IBTK: variants seen among roughly 807,000 people sequenced by gnomAD.
The protein encoded by IBTK is BTK-binding protein.
Under a neutral mutation model 154.9 loss-of-function variants are expected in IBTK, and 83 were observed. The ratio of observed to expected loss-of-function variants is 0.54; its 90% confidence interval spans 0.45 to 0.64. The LOEUF (loss-of-function observed/expected upper bound fraction) is 0.64. Among genes scored for constraint, IBTK ranks in the 30% least tolerant of loss-of-function variants. IBTK has a pLI of 0.00. For missense variants in IBTK, 1,332 were observed against 1,584.6 expected (o/e 0.84, Z 2.71); for synonymous variants, 515 against 536.1 (o/e 0.96, Z 0.54).
In IBTK at chr6:82,173,674, A is replaced by AATAT. The variant is rs35757334; in HGVS notation, c.3726-240_3726-237dup. 3.1e-4 allele frequency: 61 copies of AATAT among 197,040 alleles called. 1 individual carries two copies. Among genetic ancestry groups the AATAT allele is most frequent in the East Asian group, 5.3e-4 (5 of 9,518 alleles). 12.2% of individuals were successfully genotyped at this position (197,040 alleles called of 1,614,324 possible). A position where few individuals can be genotyped will look rare whatever the true frequency, so the allele number is the denominator to read the frequency against. ...AAGAAATAGCCTATTTCTAATAATA[A>AATAT]ATATATATATACACACACCAGATAA... On this transcript the variant is annotated intron_variant, in intron 26 of 28. Coordinates refer to ENST00000306270, the MANE Select transcript of IBTK (RefSeq NM_015525.4).
chr6:82,188,408 T>A (rs745441567), intron 25 of IBTK, among the ~76,000 whole-genome samples: 2 of 152,202 alleles, frequency 1.3e-5, no homozygotes, highest in Non-Finnish European at 2.9e-5. Flanking sequence ...CATTACTCTG[T>A]AGTATTCTAC....
chr6:82,197,169 G>C (rs1381611657), intron 21 of IBTK, among the ~76,000 whole-genome samples: 1 of 152,064 alleles, frequency 6.6e-6, no homozygotes, highest in Non-Finnish European at 1.5e-5. Flanking sequence ...TCTAAATGAA[G>C]TACCAAAATA....
chr6:82,191,795 T>G lies in IBTK; in HGVS notation c.3423A>C (p.Ser1141=). Residue 1141 remains serine, a synonymous_variant, in exon 24 of 29, where the codon TCA becomes TCC. Transcript: ENST00000306270. ...TAATGTTTTCAACCCACCCTAAATG[T>G]GACTTTGGTGTAGCTCCACATTTTT... is the stretch of plus-strand genomic sequence containing the variant. The part of the protein sequence containing the change: ...SRQKCGATPK[S]HLGKTVSHGV... 6.3e-7 allele frequency: 1 copy of G among 1,590,332 alleles called. No individual in the cohort carries two copies.
intron 26 of IBTK, 95 bp from the exon 27 acceptor site, chr6:82,173,533 G>A (rs1014399584): frequency 2.2e-6 from 2 of 906,418 alleles, no homozygotes; most frequent in Non-Finnish European, 3.5e-6. Flanking sequence ...GTAAACTCCT[G>A]ACTCCAGAGG....
rs544784009 is a variant in IBTK, at chr6:82,242,368, T to A, written c.-357-1525A>T. Among the ~76,000 whole-genome samples the A allele has an allele frequency of 2.9e-4, 40 of 138,354 alleles. No homozygotes were observed. In the South Asian group the frequency reaches 8.7e-3, roughly 30 times the overall value. The allele number at this position is 138,354 out of a possible 152,430, so 90.8% of individuals were successfully genotyped here. ...TGGGCAACAAGAGCAAAACTCTGTATCAAAAAAAAAAAAAAATTAATGGCA... is the reference window on the plus strand; with the variant it reads ...TGGGCAACAAGAGCAAAACTCTGTAACAAAAAAAAAAAAAAATTAATGGCA... On this transcript the variant is annotated intron_variant, in intron 1 of 28. Transcript: ENST00000306270.
In IBTK at chr6:82,214,392, T is replaced by G; in HGVS notation, c.2039A>C (p.Lys680Thr). Residue 680 changes from lysine to threonine, a missense_variant, in exon 12 of 29, where the codon AAG (lysine) becomes ACG (threonine). Around this residue, in one of 3 missense-constraint regions of IBTK, gnomAD observed 1,134 missense variants for 1,274.7 expected, o/e 0.89. Transcript: ENST00000306270. The part of the protein sequence containing the change: ...KVNFHEDDNQ[K>T]SAFEVYKSNQ... ...ACTTTTGTAAACTTCAAATGCAGAC[T>G]TCTGGTTATCATCTTCATGGAAATT... 6.2e-7 allele frequency: 1 copy of G among 1,614,062 alleles called. No homozygotes were observed. The highest frequency in any genetic ancestry group is 1.6e-4 in the Middle Eastern group (1 of 6,062).
chr6:82,239,051 A>G (rs1340221674), intron 2 of IBTK, among the ~76,000 whole-genome samples: 1 of 151,984 alleles, frequency 6.6e-6, no homozygotes, highest in African/African-American at 2.4e-5. Context: ...CAGTTTCTTT[A>G]GAGCTTATAA....
At chr6:82,235,932 G>T (rs1770699389) in intron 2 of IBTK, among the ~76,000 whole-genome samples, 1 of 152,008 alleles carries the variant, frequency 6.6e-6, no homozygotes. Flanking sequence ...GGAGTGCAAT[G>T]GCGTGACCTC....
At chr6:82,213,421 C>T (rs372365308) in intron 12 of IBTK, among the ~76,000 whole-genome samples, 3 of 151,940 alleles carry the variant, frequency 2.0e-5, no homozygotes, top group Admixed American at 6.6e-5. Flanking sequence ...AACATAAATA[C>T]CTTAAAAAAA....
chr6:82,198,218 C>CA (rs1217763870), intron 21 of IBTK, among the ~76,000 whole-genome samples: 1 of 152,034 alleles, frequency 6.6e-6, no homozygotes, highest in Non-Finnish European at 1.5e-5. Context: ...TCTGCTTTTC[C>CA]ATAAGTCATT....
chr6:82,228,873 A>G (rs552962292), intron 4 of IBTK, among the ~76,000 whole-genome samples: 2 of 152,174 alleles, frequency 1.3e-5, no homozygotes, highest in South Asian at 4.2e-4. Flanking sequence ...TGCCCGCCTC[A>G]GCCTCCCAAA....
chr6:82,212,582 A>T, intron 13 of IBTK, 125 bp downstream of exon 13: 1 of 667,046 alleles, frequency 1.5e-6, no homozygotes, highest in Non-Finnish European at 2.7e-6. Flanking sequence ...AATGCAGAAT[A>T]CTAGAAAAGG....
Position 82,196,453 on chromosome 6 carries a change from C to A in IBTK, c.3026-7G>T. 6.3e-7 allele frequency: 1 copy of A among 1,583,122 alleles called. No individual in the cohort carries two copies. Among genetic ancestry groups the A allele is most frequent in the Non-Finnish European group, 8.6e-7 (1 of 1,165,352 alleles). ...TTACCAGACTTTAATAATCCTAAAA[C>A]ATGAAATTAAAAAAAATTAAACACA... On this transcript the variant is annotated splice_polypyrimidine_tract_variant and splice_region_variant and intron_variant, in intron 21 of 28. Transcript: ENST00000306270.
rs75237699 is a variant in IBTK at position 82,230,829 on chromosome 6, T to C, written c.543+889A>G. Reference sequence around the variant, plus strand: ...TCAACAGTAGCTGTATCTGGGGAAGTAGAAGATATCATGCATTGTAAGGAT... The same window carrying C: ...TCAACAGTAGCTGTATCTGGGGAAGCAGAAGATATCATGCATTGTAAGGAT... On this transcript the variant is annotated intron_variant, in intron 4 of 28. Coordinates refer to ENST00000306270, the MANE Select transcript of IBTK (RefSeq NM_015525.4). Among the ~76,000 whole-genome samples the C allele has an allele frequency of 7.3e-3, 1,109 of 152,238 alleles. 13 individuals are homozygous for C. The highest frequency in any genetic ancestry group is 0.025 in the African/African-American group (1,042 of 41,558).
At chr6:82,179,959 G>A (rs963780266) in intron 26 of IBTK, among the ~76,000 whole-genome samples, 2 of 115,792 alleles carry the variant, frequency 1.7e-5, no homozygotes, top group Admixed American at 1.8e-4. Flanking sequence ...TAAGATAGGA[G>A]AGATAACTCT....
chr6:82,174,114 T>G (rs903346902), intron 26 of IBTK, among the ~76,000 whole-genome samples: 1 of 152,208 alleles, frequency 6.6e-6, no homozygotes, highest in Non-Finnish European at 1.5e-5. Context: ...TTATCTAGAT[T>G]GCTCCAATGC....
chr6:82,203,469 C>A (rs551291077), intron 17 of IBTK, among the ~76,000 whole-genome samples: 1 of 152,264 alleles, frequency 6.6e-6, no homozygotes, highest in African/African-American at 2.4e-5. Flanking sequence ...AAAGTTGCAA[C>A]TGCAGTCAAT....
intron 5 of IBTK, among the ~76,000 whole-genome samples, chr6:82,226,602 T>C: frequency 8.0e-6 from 1 of 124,538 alleles, no homozygotes; most frequent in Non-Finnish European, 1.8e-5. Context: ...GCCTTCTTTT[T>C]TGTTTTTTTT....
At chr6:82,194,119 C>CATGT (rs750932811) in intron 23 of IBTK, among the ~76,000 whole-genome samples, 1 of 152,196 alleles carries the variant, frequency 6.6e-6, no homozygotes, top group East Asian at 1.9e-4. Flanking sequence ...AATACCCCTT[C>CATGT]ACATGCTCTA....
Sources: allele counts gnomAD v4.1 joint callset (sites outside exome capture counted in the v4.1 genomes callset), GRCh38; gene constraint gnomAD v4.1.1; regional missense constraint gnomAD v4.1.1; transcripts MANE v1.5; gene names NCBI Gene and HGNC (gene_info 2026-07-23, HGNC 2026-07-21).